The following DSCAM variants were observed in gnomAD, a reference collection of about 807,000 sequenced individuals.
DSCAM encodes DS cell adhesion molecule, also known as cell adhesion molecule DSCAM.
Under a neutral mutation model 217.7 loss-of-function variants are expected in DSCAM, and 47 were observed. The observed-to-expected ratio is 0.22, with a 90% CI of 0.17 to 0.28. DSCAM has a LOEUF of 0.28. DSCAM is among the 10% of genes least tolerant of loss of function. The pLI, the probability that DSCAM is intolerant of heterozygous loss-of-function variation, is 1.00. For synonymous variants in DSCAM, 1,056 were observed against 1,015.3 expected, an observed-to-expected ratio of 1.04 and a Z score of -0.76; for missense variants, 2,080 against 2,618.3, an observed-to-expected ratio of 0.79 and a Z score of 4.49.
chr21:40,362,648 A>G (rs2074780292), intron 4 of DSCAM, among the ~76,000 whole-genome samples: 1 of 152,196 alleles, frequency 6.6e-6, no homozygotes, highest in Non-Finnish European at 1.5e-5. Context: ...CTTCTGAACT[A>G]AGGTTATTTG....
chr21:40,780,999 T>C (rs2091538778), intron 1 of DSCAM, among the ~76,000 whole-genome samples: 1 of 135,762 alleles, frequency 7.4e-6, no homozygotes, highest in Admixed American at 7.8e-5. Flanking sequence ...TCTCTTGAAT[T>C]ATTAATAGTA....
In DSCAM at chr21:40,453,634, T is replaced by C. The variant is rs138918989; in HGVS notation, c.509-84389A>G. On this transcript the variant is annotated intron_variant, in intron 3 of 32. Coordinates refer to ENST00000400454, the MANE Select transcript of DSCAM (RefSeq NM_001389.5). ...ATTGCTTAGTACTAATGCCAATAAATATTTGCTGCTGTTGACAAGAGATAA... is the reference window on the plus strand; with the variant it reads ...ATTGCTTAGTACTAATGCCAATAAACATTTGCTGCTGTTGACAAGAGATAA... Among the ~76,000 whole-genome samples, 138 of 152,308 alleles carry C rather than the reference T, an allele frequency of 9.1e-4. 2 individuals carry two copies. In the Middle Eastern group the frequency reaches 0.01, roughly 11 times the overall value.
intron 3 of DSCAM, among the ~76,000 whole-genome samples, chr21:40,534,896 T>C (rs2076483197): frequency 2.0e-5 from 3 of 152,158 alleles, no homozygotes. Flanking sequence ...ATATTACCTC[T>C]GTAATCTCTA....
chr21:40,467,043 A>T (rs191868438), intron 3 of DSCAM, among the ~76,000 whole-genome samples: 1 of 152,366 alleles, frequency 6.6e-6, no homozygotes, highest in East Asian at 1.9e-4. Flanking sequence ...AGAACCTAGA[A>T]CATAAGCCAA....
rs554444518 is a variant in DSCAM, at chr21:40,818,414, C to T, written c.43+28205G>A. On this transcript the variant is annotated intron_variant, in intron 1 of 32. Transcript: ENST00000400454. The stretch of plus-strand genomic sequence containing the variant: ...ACAAAAAATTAGCTGGGTGTGGTGG[C>T]GGGCGCCTGTAGTCCCAGCTACCCA... Among the ~76,000 whole-genome samples the T allele has an allele frequency of 6.1e-4, 93 of 151,374 alleles. 1 individual carries two copies. The highest frequency in any genetic ancestry group is 1.5e-3 in the South Asian group (7 of 4,772).
intron 3 of DSCAM, among the ~76,000 whole-genome samples, chr21:40,391,778 C>T (rs551478532): frequency 3.9e-5 from 6 of 152,280 alleles, no homozygotes; most frequent in South Asian, 2.1e-4. Flanking sequence ...GGAAATTTCT[C>T]GTTGCAAAAA....
chr21:40,492,115 C>T (rs1409126749), intron 3 of DSCAM, among the ~76,000 whole-genome samples: 1 of 151,642 alleles, frequency 6.6e-6, no homozygotes, highest in African/African-American at 2.4e-5. Flanking sequence ...TCAAATAAAT[C>T]AAGTGATTTT....
intron 21 of DSCAM, among the ~76,000 whole-genome samples, chr21:40,089,231 G>A (rs1257814189): frequency 1.3e-5 from 2 of 152,084 alleles, no homozygotes; most frequent in Non-Finnish European, 2.9e-5. Flanking sequence ...TGTATGACTG[G>A]GCAACTCAAC....
Position 40,178,911 on chromosome 21 carries a change from G to A in DSCAM, c.2947+16C>T, listed in dbSNP as rs955609568. 4 of 1,612,372 alleles carry A rather than the reference G, an allele frequency of 2.5e-6. No homozygotes were observed. Among genetic ancestry groups the A allele is most frequent in the South Asian group, 1.1e-5 (1 of 90,972 alleles). On this transcript the variant is annotated intron_variant, in intron 15 of 32. Coordinates refer to ENST00000400454, the MANE Select transcript of DSCAM (RefSeq NM_001389.5). ...CCGGGCTCCTCTGGAGCAAGGTTCC[G>A]CCCGGTCCCACGTACCTGCCTCGTC... is the stretch of plus-strand genomic sequence containing the variant.
chr21:40,780,421 G>GTGTGTATATATATATATATATATA (rs2091530852), intron 1 of DSCAM, among the ~76,000 whole-genome samples: 2 of 48,044 alleles, frequency 4.2e-5, no homozygotes, highest in African/African-American at 2.6e-4. Context: ...GTGTGTGTGT[G>GTGTGTATATATATATATATATATA]TGTATATATA....
intron 3 of DSCAM, among the ~76,000 whole-genome samples, chr21:40,597,257 A>G (rs1340265202): frequency 2.0e-5 from 3 of 152,192 alleles, no homozygotes; most frequent in African/African-American, 4.8e-5. Flanking sequence ...CCTGAGAGCA[A>G]TATTCACAGG....
intron 11 of DSCAM, among the ~76,000 whole-genome samples, chr21:40,268,159 T>A (rs112262463): frequency 1.3e-5 from 2 of 152,156 alleles, no homozygotes; most frequent in African/African-American, 4.8e-5. Context: ...CTGCCAGGCA[T>A]TATGTTATAT....
chr21:40,206,029 T>TA (rs1376862654), intron 11 of DSCAM, among the ~76,000 whole-genome samples: 1 of 152,190 alleles, frequency 6.6e-6, no homozygotes, highest in Non-Finnish European at 1.5e-5. Flanking sequence ...CTGCTTCCTC[T>TA]TAGAGAGCCT....
chr21:40,529,249 C>T (rs149032968), intron 3 of DSCAM, among the ~76,000 whole-genome samples: 1 of 152,244 alleles, frequency 6.6e-6, no homozygotes, highest in East Asian at 1.9e-4. Flanking sequence ...ATGGCACTCC[C>T]CTCTGGGAAG....
intron 15 of DSCAM, among the ~76,000 whole-genome samples, chr21:40,167,822 T>C (rs2090613971): frequency 6.6e-6 from 1 of 152,132 alleles, no homozygotes; most frequent in South Asian, 2.1e-4. Flanking sequence ...ATCCCAGCAC[T>C]CTGGGAGGCC....
At position 40,087,279 on chromosome 21, in the gene DSCAM, G is replaced by C; in HGVS notation, c.3859C>G (p.Arg1287Gly). 6.2e-7 allele frequency: 1 copy of C among 1,613,704 alleles called. No homozygotes were observed. The highest frequency in any genetic ancestry group is 1.1e-5 in the South Asian group (1 of 91,072). Residue 1287 changes from arginine (R) to glycine (G), a missense_variant, in exon 22 of 33, where the codon CGA becomes GGA. By Grantham distance (125) the Arg-to-Gly change is moderately radical. Coordinates refer to ENST00000400454, the MANE Select transcript of DSCAM (RefSeq NM_001389.5). ...TVEPLAKAPA[R>G]ILTFSGTVTT... ...ACTGTCCCACTGAAGGTCAGGATTC[G>C]TGCAGGAGCTGAGGAACCAAACAAA...
At chr21:40,235,437 A>T (rs1030580397) in intron 11 of DSCAM, among the ~76,000 whole-genome samples, 1 of 152,220 alleles carries the variant, frequency 6.6e-6, no homozygotes, top group Non-Finnish European at 1.5e-5. Context: ...ATAAAGGCCG[A>T]TAATTAAGAC....
chr21:40,753,661 C>A (rs1425804433), intron 1 of DSCAM, among the ~76,000 whole-genome samples: 3 of 152,162 alleles, frequency 2.0e-5, no homozygotes, highest in East Asian at 1.9e-4. Context: ...TTTTAAACAA[C>A]CTTTAGATGA....
At chr21:40,288,070 C>G (rs748711100) in intron 10 of DSCAM, among the ~76,000 whole-genome samples, 8 of 152,118 alleles carry the variant, frequency 5.3e-5, no homozygotes, top group Non-Finnish European at 8.8e-5. Context: ...AAATTAAGAA[C>G]AGCATTACCC....
Sources: gnomAD v4.1 joint callset for allele counts (sites outside exome capture counted in the v4.1 genomes callset) on GRCh38, gnomAD v4.1.1 for gene constraint, MANE v1.5 for transcripts, NCBI Gene and HGNC (gene_info 2026-07-23, HGNC 2026-07-21) for gene names.